Variants in TSPAN9 observed in about 807,000 individuals in gnomAD.
TSPAN9 encodes tetraspanin 9, also known as tetraspanin-9.
TSPAN9 carries 16 observed loss-of-function variants against 31.0 expected under a neutral mutation model. That is an observed-to-expected ratio of 0.52 (90% CI 0.35 to 0.78). The LOEUF (loss-of-function observed/expected upper bound fraction) is 0.78. TSPAN9 is among the 30% of genes least tolerant of loss of function. The probability of loss-of-function intolerance (pLI) is 0.01; values close to 1 mark genes in which losing one functional copy is unlikely to be tolerated. For synonymous variants in TSPAN9, 145 were observed against 121.6 expected (o/e 1.19, Z -1.27); for missense variants, 272 against 312.5 (o/e 0.87, Z 0.98).
intron 3 of TSPAN9, among the ~76,000 whole-genome samples, chr12:3,257,008 G>A: frequency 6.6e-6 from 1 of 152,110 alleles, no homozygotes; most frequent in East Asian, 1.9e-4. Flanking sequence ...GTACCAGGCA[G>A]GTGACATTGA....
intron 3 of TSPAN9, among the ~76,000 whole-genome samples, chr12:3,203,228 T>G (rs7973920): frequency 0.076 from 11,563 of 151,704 alleles, 744 homozygotes; most frequent in African/African-American, 0.18. Context: ...CCCAACGTGG[T>G]TTGGTGACCT....
chr12:3,098,028 T>A (rs183021102), intron 2 of TSPAN9, among the ~76,000 whole-genome samples: 1 of 152,316 alleles, frequency 6.6e-6, no homozygotes, highest in East Asian at 1.9e-4. Context: ...TGTGTAGATG[T>A]GCACCGATGC....
Position 3,183,736 on chromosome 12 carries a change from G to A in TSPAN9, c.-17-17441G>A, listed in dbSNP as rs145121472. ...TGGCCTGGGACCCACGCTTGGAGAA[G>A]TAGTTTTAGAGGGAACTCGGCATTT... On this transcript the variant is annotated intron_variant, in intron 2 of 8. Coordinates refer to ENST00000011898, the MANE Select transcript of TSPAN9 (RefSeq NM_006675.5). Among the ~76,000 whole-genome samples the A allele has an allele frequency of 1.7e-3, 254 of 152,246 alleles. 2 individuals are homozygous for A. Among genetic ancestry groups the A allele is most frequent in the African/African-American group, 5.7e-3 (238 of 41,514 alleles).
intron 3 of TSPAN9, among the ~76,000 whole-genome samples, chr12:3,254,799 G>A (rs1862315022): frequency 6.6e-6 from 1 of 152,164 alleles, no homozygotes; most frequent in Non-Finnish European, 1.5e-5. Context: ...TTATAATATT[G>A]ATTCCAAGTC....
intron 1 of TSPAN9, among the ~76,000 whole-genome samples, chr12:3,082,337 G>A (rs1436518294): frequency 1.3e-5 from 2 of 152,250 alleles, no homozygotes; most frequent in Non-Finnish European, 2.9e-5. Context: ...GCCAGGTGTG[G>A]CATGTGTGCA....
chr12:3,273,858 C>G (rs888139297), intron 3 of TSPAN9, among the ~76,000 whole-genome samples: 1 of 152,244 alleles, frequency 6.6e-6, no homozygotes, highest in East Asian at 1.9e-4. Flanking sequence ...TCCCTCCTGC[C>G]CTTGCTCCCT....
intron 2 of TSPAN9, among the ~76,000 whole-genome samples, chr12:3,095,549 G>A (rs2098307827): frequency 7.8e-6 from 1 of 127,954 alleles, no homozygotes. Flanking sequence ...CCGGGCAGAG[G>A]GGCTCCTCAC....
intron 1 of TSPAN9, among the ~76,000 whole-genome samples, chr12:3,080,403 A>C (rs1474200104): frequency 1.3e-5 from 2 of 151,994 alleles, no homozygotes; most frequent in Middle Eastern, 3.2e-3. Context: ...TGGCATAATC[A>C]CAGCTCACTG....
intron 3 of TSPAN9, among the ~76,000 whole-genome samples, chr12:3,234,606 G>C (rs967021373): frequency 6.6e-6 from 1 of 152,164 alleles, no homozygotes; most frequent in African/African-American, 2.4e-5. Flanking sequence ...TTTGAAAAAG[G>C]CTTTCAGGTG....
intron 2 of TSPAN9, among the ~76,000 whole-genome samples, chr12:3,098,624 T>G (rs2098310303): frequency 6.6e-6 from 1 of 152,210 alleles, no homozygotes. Flanking sequence ...ATTGTTTCTG[T>G]AATGCCAAAT....
rs372566637 is a variant in TSPAN9 at position 3,268,232 on chromosome 12, GTTCCTGCAGCCTGCCCTCTGTGCA to G, written c.64-10169_64-10146del. Among the ~76,000 whole-genome samples, 611 of 129,046 alleles carry G rather than the reference GTTCCTGCAGCCTGCCCTCTGTGCA, an allele frequency of 4.7e-3. 136 individuals carry two copies. The highest frequency in any genetic ancestry group is 0.012 in the East Asian group (44 of 3,656). The allele number at this position is 129,046 out of a possible 152,430, so 84.7% of individuals were successfully genotyped here. On this transcript the variant is annotated intron_variant, in intron 3 of 8. Transcript: ENST00000011898. The stretch of plus-strand genomic sequence containing the variant: ...CGTTCCTGCAGCCTGCCCTCTCTGT[GTTCCTGCAGCCTGCCCTCTGTGCA>G]TTCCTGCAGCCTGCCCTCTCTGTTC...
chr12:3,161,704 CT>C (rs2098345305), intron 2 of TSPAN9, among the ~76,000 whole-genome samples: 1 of 152,198 alleles, frequency 6.6e-6, no homozygotes, highest in South Asian at 2.1e-4. Flanking sequence ...GTGTAACTTG[CT>C]GTTCACTAGA....
intron 2 of TSPAN9, among the ~76,000 whole-genome samples, chr12:3,103,287 C>A (rs944457322): frequency 6.6e-6 from 1 of 152,206 alleles, no homozygotes; most frequent in Non-Finnish European, 1.5e-5. Context: ...TTGTCAGCCT[C>A]GTCCGCGGTA....
intron 2 of TSPAN9, among the ~76,000 whole-genome samples, chr12:3,098,924 T>C (rs535996482): frequency 6.6e-6 from 1 of 152,190 alleles, no homozygotes; most frequent in East Asian, 1.9e-4. Context: ...GGCTAATTTT[T>C]GTGTTTTTAG....
intron 2 of TSPAN9, among the ~76,000 whole-genome samples, chr12:3,114,873 A>G (rs573246789): frequency 2.7e-3 from 403 of 151,672 alleles, no homozygotes; most frequent in Non-Finnish European, 4.5e-3. Context: ...ATTCCCTGTA[A>G]TCTGATAACA....
At chr12:3,262,709 G>T (rs1251533112) in intron 3 of TSPAN9, among the ~76,000 whole-genome samples, 2 of 151,410 alleles carry the variant, frequency 1.3e-5, no homozygotes, top group African/African-American at 2.4e-5. Context: ...GTCAGAGGCC[G>T]CGCACAGCTC....
chr12:3,161,772 AATCTATCTATCTATCT>A lies in TSPAN9; in HGVS notation c.-17-39376_-17-39361del, dbSNP rs79768137. Reference sequence around the variant, plus strand: ...TTGTCCTCTCCAAATCTTGGGTTGAAATCTATCTATCTATCTATCTATCTATCTATCTATCTATCTA... The same window carrying A: ...TTGTCCTCTCCAAATCTTGGGTTGAAATCTATCTATCTATCTATCTATCTA... On this transcript the variant is annotated intron_variant, in intron 2 of 8. Coordinates refer to ENST00000011898, the MANE Select transcript of TSPAN9 (RefSeq NM_006675.5). Among the ~76,000 whole-genome samples, 89 of 150,350 alleles carry A rather than the reference AATCTATCTATCTATCT, an allele frequency of 5.9e-4. 1 individual carries two copies. Among genetic ancestry groups the A allele is most frequent in the African/African-American group, 1.9e-3 (76 of 40,754 alleles).
chr12:3,244,197 T>C (rs893380694), intron 3 of TSPAN9, among the ~76,000 whole-genome samples: 1 of 152,212 alleles, frequency 6.6e-6, no homozygotes, highest in Non-Finnish European at 1.5e-5. Flanking sequence ...TGACGCAGCC[T>C]TCTTGACCCA....
chr12:3,219,519 G>A (rs1485291477), intron 3 of TSPAN9, among the ~76,000 whole-genome samples: 1 of 152,186 alleles, frequency 6.6e-6, no homozygotes, highest in Non-Finnish European at 1.5e-5. Context: ...CCTGCCTCAG[G>A]AGCCAAGAGT....
Sources: gnomAD v4.1 joint callset for allele counts (sites outside exome capture counted in the v4.1 genomes callset) on GRCh38, gnomAD v4.1.1 for gene constraint, MANE v1.5 for transcripts, NCBI Gene and HGNC (gene_info 2026-07-23, HGNC 2026-07-21) for gene names.